Variants in TARBP1 observed in about 807,000 individuals in gnomAD.
The protein encoded by TARBP1 is tRNA (guanosine(18)-2'-O)-methyltransferase TARBP1.
A neutral mutation model predicts 178.6 loss-of-function variants in TARBP1; 144 were observed. That is an observed-to-expected ratio of 0.81 (90% CI 0.70 to 0.93). The LOEUF (loss-of-function observed/expected upper bound fraction) is 0.93. Ranked by LOEUF, TARBP1 falls within the 40% of genes least tolerant of loss-of-function variation. The pLI is 0.00. For missense variants in TARBP1, 2,067 were observed against 2,011.7 expected, an observed-to-expected ratio of 1.03 and a Z score of -0.53; for synonymous variants, 787 against 781.0, an observed-to-expected ratio of 1.01 and a Z score of -0.13.
Position 234,475,539 on chromosome 1 carries a change from C to CA in TARBP1, c.931+2633dup, listed in dbSNP as rs1392921902. ...ACACCCAAGACCTACCACAGACACT[C>CA]ACGCAGAATGCAGCTGCCACAGGTT... On this transcript the variant is annotated intron_variant, in intron 1 of 29. Coordinates refer to ENST00000040877, the MANE Select transcript of TARBP1 (RefSeq NM_005646.4). 3.9e-5 allele frequency among the ~76,000 whole-genome samples: 6 copies of CA among 152,244 alleles called. 1 individual carries two copies. The East Asian group carries it at 9.6e-4, about 24-fold the overall frequency.
chr1:234,420,831 G>T lies in TARBP1; in HGVS notation c.3445-19C>A. On this transcript the variant is annotated intron_variant, in intron 20 of 29. Transcript: ENST00000040877. The stretch of plus-strand genomic sequence containing the variant: ...ATTCATCCTGGAAAGGAGAAGGGAG[G>T]GAGTCAACATTAAATTATCTATTGA... 7.4e-7 allele frequency: 1 copy of T among 1,353,742 alleles called. No individual in the cohort carries two copies. The highest frequency in any genetic ancestry group is 1.0e-6 in the Non-Finnish European group (1 of 959,660). The allele number at this position is 1,353,742 out of a possible 1,614,324, so 83.9% of individuals were successfully genotyped here.
rs776422956 is a variant in TARBP1 at position 234,472,781 on chromosome 1, T to A, written c.962A>T (p.Lys321Ile). 1 of 1,604,200 alleles carries A rather than the reference T, an allele frequency of 6.2e-7. No homozygotes were observed. Among genetic ancestry groups the A allele is most frequent in the Non-Finnish European group, 8.5e-7 (1 of 1,177,678 alleles). Residue 321 changes from lysine (K) to isoleucine (I), a missense_variant, in exon 2 of 30, where the codon AAA (lysine) becomes ATA (isoleucine). Transcript: ENST00000040877. ...GPSLFWWSER[K>I]KDELLKFWEN... The stretch of plus-strand genomic sequence containing the variant: ...CCAAAACTTTAGAAGCTCATCTTTT[T>A]TCCTCTCAGACCACCAAAACAGACT...
intron 3 of TARBP1, among the ~76,000 whole-genome samples, chr1:234,469,508 G>C (rs1463665313): frequency 6.6e-6 from 1 of 152,212 alleles, no homozygotes; most frequent in Non-Finnish European, 1.5e-5. Context: ...TGCAACTACA[G>C]ATGCTTATGG....
intron 8 of TARBP1, 102 bp from the exon 9 acceptor site, chr1:234,457,858 G>A (rs887210422): frequency 2.9e-6 from 2 of 698,826 alleles, no homozygotes; most frequent in Non-Finnish European, 4.8e-6. Context: ...ACTTAAAGTA[G>A]GTTATCATTA....
intron 1 of TARBP1, among the ~76,000 whole-genome samples, chr1:234,476,060 C>T (rs1669543818): frequency 6.6e-6 from 1 of 152,180 alleles, no homozygotes; most frequent in East Asian, 1.9e-4. Context: ...AACACTACAA[C>T]AGAAAACAAA....
At position 234,425,933 on chromosome 1, in the gene TARBP1, T is replaced by A. The variant is rs1235502157; in HGVS notation, c.3324-140A>T. ...TAAGTAGGTCCATACTTAATGACAA[T>A]ACTTTTTAATTTAGAATAGATAACA... On this transcript the variant is annotated intron_variant, in intron 19 of 29. Transcript: ENST00000040877. 3 of 626,918 alleles carry A rather than the reference T, an allele frequency of 4.8e-6. No individual in the cohort carries two copies. The East Asian group carries it at 8.6e-5, about 18-fold the overall frequency. The allele number at this position is 626,918 out of a possible 1,614,324, so 38.8% of individuals were successfully genotyped here. A position where few individuals can be genotyped will look rare whatever the true frequency, so the allele number is the denominator to read the frequency against.
At chr1:234,393,536 G>A (rs1386421883) in intron 27 of TARBP1, 50 bp from the exon 28 acceptor site, 1 of 1,572,048 alleles carries the variant, frequency 6.4e-7, no homozygotes, top group Non-Finnish European at 8.6e-7. Context: ...ACAATGCTAA[G>A]CTCATCATGT....
chr1:234,391,544 GAAC>G lies in TARBP1; in HGVS notation c.*30_*32del. 2 of 1,555,520 alleles carry G rather than the reference GAAC, an allele frequency of 1.3e-6. No homozygotes were observed. Among genetic ancestry groups the G allele is most frequent in the Non-Finnish European group, 1.7e-6 (2 of 1,148,448 alleles). ...CAAATAGTTTTTTTTAAAAAAGTCTGAACAGCAGCAGCAGTTCACTAAGGAAGG... is the reference window on the plus strand; with the variant it reads ...CAAATAGTTTTTTTTAAAAAAGTCTGAGCAGCAGCAGTTCACTAAGGAAGG... On this transcript the variant is annotated 3_prime_UTR_variant, in exon 30 of 30. Transcript: ENST00000040877.
At position 234,433,559 on chromosome 1, in the gene TARBP1, C is replaced by T; in HGVS notation, c.2245G>A (p.Asp749Asn). 6.2e-7 allele frequency: 1 copy of T among 1,610,314 alleles called. No homozygotes were observed. The highest frequency in any genetic ancestry group is 8.5e-7 in the Non-Finnish European group (1 of 1,179,250). ...ACCATCAGGTATAAATGGCAACGAT[C>T]CAGATCTGAAACCTAAGACAAGGAT... ...MNELNSVSDLDRCHLYLMVLT... is the reference protein window; with the variant it reads ...MNELNSVSDLNRCHLYLMVLT... The change falls in exon 14 of 30, where the codon GAT becomes AAT. Residue 749 changes from aspartate (D) to asparagine (N), a missense_variant. Coordinates refer to ENST00000040877, the MANE Select transcript of TARBP1 (RefSeq NM_005646.4).
At chr1:234,416,657 G>A (rs901682394) in intron 22 of TARBP1, among the ~76,000 whole-genome samples, 10 of 152,230 alleles carry the variant, frequency 6.6e-5, no homozygotes, top group Admixed American at 1.3e-4. Context: ...CTTCATAAGG[G>A]TAAAAACTCC....
At chr1:234,393,011 G>A (rs978570227) in intron 28 of TARBP1, among the ~76,000 whole-genome samples, 3 of 152,076 alleles carry the variant, frequency 2.0e-5, no homozygotes, top group Non-Finnish European at 2.9e-5. Context: ...GAGCCACCGC[G>A]CCCAGCCACC....
At chr1:234,405,092 T>C (rs1054408859) in intron 24 of TARBP1, among the ~76,000 whole-genome samples, 2 of 152,218 alleles carry the variant, frequency 1.3e-5, no homozygotes, top group African/African-American at 4.8e-5. Context: ...TGCTATTTCA[T>C]TTGCCTATTA....
chr1:234,460,460 A>G, intron 6 of TARBP1, 64 bp from the exon 7 acceptor site: 1 of 1,522,416 alleles, frequency 6.6e-7, no homozygotes, highest in Non-Finnish European at 9.0e-7. Flanking sequence ...GCTCAATACC[A>G]TTAGGTATTA....
At chr1:234,401,984 C>A (rs1300188729) in intron 24 of TARBP1, among the ~76,000 whole-genome samples, 5 of 152,232 alleles carry the variant, frequency 3.3e-5, no homozygotes, top group Non-Finnish European at 7.3e-5. Flanking sequence ...CCCTGCCCCG[C>A]AACAGATCCC....
chr1:234,450,377 C>A, intron 10 of TARBP1, 51 bp downstream of exon 10: 1 of 1,468,922 alleles, frequency 6.8e-7, no homozygotes, highest in Non-Finnish European at 9.1e-7. Flanking sequence ...GTTAAAAGTT[C>A]TTTGAAAATA....
intron 9 of TARBP1, among the ~76,000 whole-genome samples, chr1:234,455,320 T>C (rs1057334378): frequency 7.9e-5 from 12 of 152,214 alleles, no homozygotes; most frequent in Admixed American, 6.5e-5. Context: ...ATCCCAATTC[T>C]AGGACTCCAT....
rs1356253920 is a variant in TARBP1, at chr1:234,448,551, C to G, written c.1890G>C (p.Trp630Cys). ...TCAGAGAAACAAGCTTGGCTTCAAACCAATCAGGCATAAAGCAGTTTTCTC... is the reference window on the plus strand; with the variant it reads ...TCAGAGAAACAAGCTTGGCTTCAAAGCAATCAGGCATAAAGCAGTTTTCTC... The part of the protein sequence containing the change: ...ETGENCFMPD[W>C]FEAKLVSLMV... Residue 630 changes from tryptophan to cysteine, a missense_variant, in exon 11 of 30, where the codon TGG (tryptophan) becomes TGC (cysteine). Trp to Cys is a radical substitution (Grantham distance 215). Transcript: ENST00000040877. 1 of 1,614,040 alleles carries G rather than the reference C, an allele frequency of 6.2e-7. No individual in the cohort carries two copies. Among genetic ancestry groups the G allele is most frequent in the Non-Finnish European group, 8.5e-7 (1 of 1,180,002 alleles).
intron 22 of TARBP1, among the ~76,000 whole-genome samples, chr1:234,412,359 T>C (rs113954135): frequency 0.037 from 5,382 of 147,148 alleles, 137 homozygotes; most frequent in South Asian, 0.083. Context: ...GAGATGGAGG[T>C]TGCAGTGAGC....
intron 6 of TARBP1, among the ~76,000 whole-genome samples, chr1:234,462,227 C>T (rs561370662): frequency 6.6e-6 from 1 of 152,200 alleles, no homozygotes; most frequent in Non-Finnish European, 1.5e-5. Context: ...CTGTGATATG[C>T]CTGGTCCTGG....
Sources: gnomAD v4.1 joint callset for allele counts (sites outside exome capture counted in the v4.1 genomes callset) on GRCh38, gnomAD v4.1.1 for gene constraint, MANE v1.5 for transcripts, NCBI Gene and HGNC (gene_info 2026-07-23, HGNC 2026-07-21) for gene names.